Variants in ADCK1 observed in about 807,000 individuals in gnomAD.
The protein encoded by ADCK1 is aarF domain containing kinase 1.
Under a neutral mutation model 52.3 loss-of-function variants are expected in ADCK1, and 41 were observed. The observed-to-expected ratio is 0.78, with a 90% CI of 0.61 to 1.02. The LOEUF is 1.02. Ranked by LOEUF, ADCK1 falls within the 50% of genes least tolerant of loss-of-function variation. The probability of loss-of-function intolerance (pLI) is 0.00; values close to 1 mark genes in which losing one functional copy is unlikely to be tolerated. For missense variants in ADCK1, 658 were observed against 679.5 expected (o/e 0.97, Z 0.35); for synonymous variants, 250 against 274.6 (o/e 0.91, Z 0.89).
chr14:77,820,700 C>CA (rs2081563557), intron 2 of ADCK1, among the ~76,000 whole-genome samples: 1 of 150,342 alleles, frequency 6.7e-6, no homozygotes, highest in African/African-American at 2.5e-5. Flanking sequence ...GTAATGCCTA[C>CA]AGTAATAGGT....
intron 3 of ADCK1, among the ~76,000 whole-genome samples, chr14:77,837,808 G>C (rs1023923950): frequency 6.6e-6 from 1 of 152,136 alleles, no homozygotes; most frequent in Non-Finnish European, 1.5e-5. Context: ...AACCCTTTGG[G>C]CTGTTCATCT....
chr14:77,832,622 T>C (rs2081880306), intron 3 of ADCK1, among the ~76,000 whole-genome samples: 1 of 152,240 alleles, frequency 6.6e-6, no homozygotes, highest in African/African-American at 2.4e-5. Context: ...GAAGTTCCTT[T>C]ACTCATTTAA....
chr14:77,883,818 A>G (rs1254561578), intron 4 of ADCK1, among the ~76,000 whole-genome samples: 2 of 152,100 alleles, frequency 1.3e-5, no homozygotes, highest in African/African-American at 2.4e-5. Context: ...GCAAGTCCTC[A>G]CAGCTGGCTC....
At chr14:77,803,907 G>A (rs1011596624) in intron 1 of ADCK1, among the ~76,000 whole-genome samples, 1 of 152,292 alleles carries the variant, frequency 6.6e-6, no homozygotes, top group African/African-American at 2.4e-5. Flanking sequence ...GAGTGGGAAG[G>A]CCCTGCTCAA....
At chr14:77,800,533 C>G (rs1037565531) in intron 1 of ADCK1, among the ~76,000 whole-genome samples, 2 of 152,246 alleles carry the variant, frequency 1.3e-5, no homozygotes, top group African/African-American at 4.8e-5. Flanking sequence ...CGCCTTCACC[C>G]CCTGGTGGCC....
chr14:77,933,274 CG>C lies in ADCK1; in HGVS notation c.1456del (p.Glu486ArgfsTer17). 6.2e-7 allele frequency: 1 copy of C among 1,614,184 alleles called. No homozygotes were observed. Among genetic ancestry groups the C allele is most frequent in the Non-Finnish European group, 8.5e-7 (1 of 1,180,026 alleles). ...TCAGAAGGACCCAGATCTCTTTCAG[CG>C]AGGCCTTCAACTTATGGCAGATCAA... ...FFRRTQISFS[E>X]AFNLWQINLH... is the part of the protein sequence containing the mutation. On this transcript the variant is annotated frameshift_variant, in exon 11 of 11. Transcript: ENST00000238561. LOFTEE classifies it high-confidence loss of function.
At chr14:77,908,195 G>A in intron 7 of ADCK1, 1 of 253,716 alleles carries the variant, frequency 3.9e-6, no homozygotes, top group Non-Finnish European at 7.6e-6. Context: ...AAGCTAAGCG[G>A]CCACAGAGAA....
intron 3 of ADCK1, among the ~76,000 whole-genome samples, chr14:77,833,346 C>A (rs1185289093): frequency 6.6e-6 from 1 of 152,100 alleles, no homozygotes; most frequent in Admixed American, 6.5e-5. Flanking sequence ...GCGTCTAGAC[C>A]CACTTTTGCT....
intron 4 of ADCK1, among the ~76,000 whole-genome samples, chr14:77,867,659 C>G (rs909413775): frequency 9.2e-5 from 14 of 152,190 alleles, no homozygotes; most frequent in Non-Finnish European, 1.9e-4. Flanking sequence ...GTGGCCCTGG[C>G]TTGTGCTTCC....
intron 3 of ADCK1, among the ~76,000 whole-genome samples, chr14:77,847,646 T>C (rs1456010853): frequency 6.6e-6 from 1 of 152,200 alleles, no homozygotes; most frequent in Non-Finnish European, 1.5e-5. Context: ...AGGGTTATCG[T>C]TGAAGATTGT....
intron 4 of ADCK1, among the ~76,000 whole-genome samples, chr14:77,872,285 A>G (rs933157084): frequency 6.6e-6 from 1 of 152,086 alleles, no homozygotes; most frequent in African/African-American, 2.4e-5. Flanking sequence ...TGAGCCAGGA[A>G]CTGAGCTTGA....
intron 4 of ADCK1, among the ~76,000 whole-genome samples, chr14:77,885,103 A>C (rs937596309): frequency 1.3e-5 from 2 of 152,242 alleles, no homozygotes; most frequent in Admixed American, 6.5e-5. Context: ...AGTTGCAGGA[A>C]ATTCAGCAGT....
At chr14:77,928,352 A>C (rs1177542167) in intron 9 of ADCK1, among the ~76,000 whole-genome samples, 2 of 152,110 alleles carry the variant, frequency 1.3e-5, no homozygotes, top group Non-Finnish European at 2.9e-5. Flanking sequence ...CAAATTTAAG[A>C]GTCTTCAGGG....
At position 77,822,454 on chromosome 14, in the gene ADCK1, A is replaced by G; in HGVS notation, c.155A>G (p.Asp52Gly). Residue 52 changes from aspartate (D) to glycine (G), a missense_variant, in exon 3 of 11, where the codon GAC (aspartate) becomes GGC (glycine). Asp to Gly is a moderately conservative substitution (Grantham distance 94). Coordinates refer to ENST00000238561, the MANE Select transcript of ADCK1 (RefSeq NM_020421.4). ...TCACAGACGGCTGTCATCAGTTACG[A>G]CTACCTCACTTCCCTGAAGAGTGTC... ...AVATTAVISY[D>G]YLTSLKSVPY... The G allele has an allele frequency of 6.2e-7, 1 of 1,614,080 alleles. No individual in the cohort carries two copies. Among genetic ancestry groups the G allele is most frequent in the Non-Finnish European group, 8.5e-7 (1 of 1,179,958 alleles).
intron 4 of ADCK1, among the ~76,000 whole-genome samples, chr14:77,863,827 A>G (rs1400465764): frequency 6.6e-6 from 1 of 150,896 alleles, no homozygotes; most frequent in Non-Finnish European, 1.5e-5. Context: ...AGAGAGTGAG[A>G]CTCTGTCTCA....
intron 7 of ADCK1, among the ~76,000 whole-genome samples, chr14:77,915,319 G>A (rs888103057): frequency 6.6e-6 from 1 of 150,534 alleles, no homozygotes; most frequent in Non-Finnish European, 1.5e-5. Flanking sequence ...ATCTCCTAAT[G>A]CTATCCCTCC....
intron 3 of ADCK1, among the ~76,000 whole-genome samples, chr14:77,833,878 T>C (rs1023334267): frequency 1.3e-5 from 2 of 152,218 alleles, no homozygotes; most frequent in Non-Finnish European, 2.9e-5. Context: ...CTAGGGACCA[T>C]GGCCAACACC....
At chr14:77,821,462 C>G (rs1394610696) in intron 2 of ADCK1, among the ~76,000 whole-genome samples, 1 of 152,048 alleles carries the variant, frequency 6.6e-6, no homozygotes, top group South Asian at 2.1e-4. Flanking sequence ...TTCTAGGGTC[C>G]CAGTTACTCA....
chr14:77,884,188 C>T (rs1037656613), intron 4 of ADCK1, among the ~76,000 whole-genome samples: 1 of 152,214 alleles, frequency 6.6e-6, no homozygotes, highest in Non-Finnish European at 1.5e-5. Context: ...GGGGTAAGGA[C>T]TGATGTCAGA....
Sources: gnomAD v4.1 joint callset for allele counts (sites outside exome capture counted in the v4.1 genomes callset) on GRCh38, gnomAD v4.1.1 for gene constraint, MANE v1.5 for transcripts, NCBI Gene and HGNC (gene_info 2026-07-23, HGNC 2026-07-21) for gene names.